The following MEGF9 variants were observed in gnomAD, a reference collection of about 807,000 sequenced individuals.
The protein encoded by MEGF9 is multiple EGF like domains 9.
MEGF9 carries 6 observed loss-of-function variants against 46.8 expected under a neutral mutation model. The observed-to-expected ratio is 0.13, with a 90% CI of 0.07 to 0.25. The LOEUF is 0.25. Among genes scored for constraint, MEGF9 ranks in the 10% least tolerant of loss-of-function variants. MEGF9 has a pLI of 1.00. For missense variants in MEGF9, 683 were observed against 792.4 expected, an observed-to-expected ratio of 0.86 and a Z score of 1.66; for synonymous variants, 302 against 330.7, an observed-to-expected ratio of 0.91 and a Z score of 0.94.
chr9:120,700,546 T>A (rs1234189828), intron 1 of MEGF9, among the ~76,000 whole-genome samples: 1 of 151,982 alleles, frequency 6.6e-6, no homozygotes, highest in Non-Finnish European at 1.5e-5. Context: ...ACATGAAAAA[T>A]CTACAGCAGA....
chr9:120,672,301 A>G (rs532619815), intron 1 of MEGF9, among the ~76,000 whole-genome samples: 37 of 152,258 alleles, frequency 2.4e-4, no homozygotes, highest in African/African-American at 8.7e-4. Flanking sequence ...AAAAAGAAAC[A>G]AAACTGGGCC....
At chr9:120,654,388 C>T (rs193145603) in intron 2 of MEGF9, among the ~76,000 whole-genome samples, 1 of 152,120 alleles carries the variant, frequency 6.6e-6, no homozygotes, top group Non-Finnish European at 1.5e-5. Flanking sequence ...CCGTCAATGA[C>T]GTATGGAATA....
intron 2 of MEGF9, among the ~76,000 whole-genome samples, chr9:120,635,210 T>C (rs2043568804): frequency 6.6e-6 from 1 of 152,200 alleles, no homozygotes; most frequent in Non-Finnish European, 1.5e-5. Context: ...CCCTTATACA[T>C]GACTTGACAC....
At chr9:120,644,824 T>G (rs2043618598) in intron 2 of MEGF9, among the ~76,000 whole-genome samples, 1 of 152,222 alleles carries the variant, frequency 6.6e-6, no homozygotes, top group Non-Finnish European at 1.5e-5. Flanking sequence ...TTGTGTGGTA[T>G]TTTTGTCTCA....
At chr9:120,663,271 G>A (rs2043710713) in intron 1 of MEGF9, among the ~76,000 whole-genome samples, 1 of 152,158 alleles carries the variant, frequency 6.6e-6, no homozygotes, top group Non-Finnish European at 1.5e-5. Flanking sequence ...CCCAGTGACT[G>A]ACCTTAAATG....
chr9:120,701,545 G>A (rs951453017), intron 1 of MEGF9, among the ~76,000 whole-genome samples: 3 of 152,120 alleles, frequency 2.0e-5, no homozygotes, highest in Admixed American at 6.5e-5. Flanking sequence ...TATATTACCA[G>A]TATAACAGCA....
In MEGF9 at chr9:120,658,079, G is replaced by A. The variant is rs576252537; in HGVS notation, c.803+1295C>T. On this transcript the variant is annotated intron_variant, in intron 2 of 5. Transcript: ENST00000373930. ...AGCTCACTGCAACCTCCACCTCCCG[G>A]GTTCAACCGATTCTCCTGCCTCAGC... Among the ~76,000 whole-genome samples, 4 of 152,062 alleles carry A rather than the reference G, an allele frequency of 2.6e-5. No homozygotes were observed. The East Asian group carries it at 7.7e-4, about 29-fold the overall frequency.
chr9:120,637,161 C>T (rs917095315), intron 2 of MEGF9, among the ~76,000 whole-genome samples: 10 of 152,298 alleles, frequency 6.6e-5, no homozygotes, highest in Non-Finnish European at 1.2e-4. Flanking sequence ...GCTGTGTCAA[C>T]TCAGGGTTAA....
At chr9:120,609,783 T>C (rs2043437339) in intron 4 of MEGF9, among the ~76,000 whole-genome samples, 1 of 152,188 alleles carries the variant, frequency 6.6e-6, no homozygotes, top group Non-Finnish European at 1.5e-5. Context: ...CACCCTGTTA[T>C]CTAAACACAG....
At chr9:120,673,063 A>T (rs886750611) in intron 1 of MEGF9, among the ~76,000 whole-genome samples, 37 of 152,338 alleles carry the variant, frequency 2.4e-4, no homozygotes, top group Non-Finnish European at 4.4e-4. Context: ...CAAAATTAAC[A>T]AACAAAAATC....
chr9:120,602,730 C>T lies in MEGF9; in HGVS notation c.*2460G>A, dbSNP rs2043402618. On this transcript the variant is annotated 3_prime_UTR_variant, in exon 6 of 6. Coordinates refer to ENST00000373930, the MANE Select transcript of MEGF9 (RefSeq NM_001080497.3). The stretch of plus-strand genomic sequence containing the variant: ...TTAACTTCTGTTTAATAAATGTTCA[C>T]TTCTCACCACCTTTAATCCTGACCT... The T allele has an allele frequency of 6.6e-6, 1 of 152,126 alleles. No homozygotes were observed. The highest frequency in any genetic ancestry group is 1.5e-5 in the Non-Finnish European group (1 of 68,036). 9.4% of individuals were successfully genotyped at this position (152,126 alleles called of 1,614,324 possible). A position where few individuals can be genotyped will look rare whatever the true frequency, so the allele number is the denominator to read the frequency against.
chr9:120,605,419 A>G lies in MEGF9; in HGVS notation c.1580T>C (p.Leu527Pro), dbSNP rs767203285. 1 of 1,614,044 alleles carries G rather than the reference A, an allele frequency of 6.2e-7. No individual in the cohort carries two copies. The highest frequency in any genetic ancestry group is 8.5e-7 in the Non-Finnish European group (1 of 1,179,892). The change falls in exon 6 of 6, where the codon CTG (leucine) becomes CCG (proline). Residue 527 changes from leucine (L) to proline (P), a missense_variant. Transcript: ENST00000373930. The surrounding 1 kb of genome is among the most constrained non-coding windows in gnomAD (Gnocchi z 4.0). ...ILTVIIIVVVLLMGFVGAVYM... is the reference protein window; with the variant it reads ...ILTVIIIVVVPLMGFVGAVYM... The stretch of plus-strand genomic sequence containing the variant: ...TACAGCCCCCACAAATCCCATTAGC[A>G]GCACCACAACAATGATGATGACTGT...
At chr9:120,636,583 G>A (rs192994607) in intron 2 of MEGF9, among the ~76,000 whole-genome samples, 1 of 152,266 alleles carries the variant, frequency 6.6e-6, no homozygotes, top group Admixed American at 6.5e-5. Flanking sequence ...AATCAAATGT[G>A]ACACATTTCC....
Position 120,605,556 on chromosome 9 carries a change from A to G in MEGF9, c.1443T>C (p.Asn481=), listed in dbSNP as rs2043417002. The change falls in exon 6 of 6, where the codon AAT becomes AAC. Residue 481 remains asparagine (N), a synonymous_variant. Coordinates refer to ENST00000373930, the MANE Select transcript of MEGF9 (RefSeq NM_001080497.3). This position sits in a 1 kb window ranked among gnomAD's most constrained non-coding sequence, Gnocchi z 4.0. ...LTTSVPTPVI[N]STFTPTTLQT... ...GCAGGGTTGTAGGGGTAAAAGTACTATTTATAACAGGGGTGGGCACTGATG... is the reference window on the plus strand; with the variant it reads ...GCAGGGTTGTAGGGGTAAAAGTACTGTTTATAACAGGGGTGGGCACTGATG... 6.2e-7 allele frequency: 1 copy of G among 1,610,762 alleles called. No individual in the cohort carries two copies. The highest frequency in any genetic ancestry group is 2.2e-5 in the East Asian group (1 of 44,858).
At chr9:120,686,159 G>A (rs776604563) in intron 1 of MEGF9, among the ~76,000 whole-genome samples, 3 of 149,452 alleles carry the variant, frequency 2.0e-5, no homozygotes, top group African/African-American at 2.5e-5. Context: ...GCGTGATCTC[G>A]GCTCACTGCA....
chr9:120,668,041 C>A (rs2043733024), intron 1 of MEGF9, among the ~76,000 whole-genome samples: 1 of 151,922 alleles, frequency 6.6e-6, no homozygotes, highest in Admixed American at 6.6e-5. Context: ...AACAAACAAA[C>A]AAAAAAACCA....
intron 2 of MEGF9, among the ~76,000 whole-genome samples, chr9:120,652,601 C>A (rs1186658035): frequency 1.3e-5 from 2 of 151,230 alleles, no homozygotes; most frequent in Non-Finnish European, 2.9e-5. Context: ...CACACACACA[C>A]ACACACACAC....
chr9:120,693,275 C>CAAAAAAAAAAAAAAAAAAAAAAAAAAA (rs10633158), intron 1 of MEGF9, among the ~76,000 whole-genome samples: 8 of 104,374 alleles, frequency 7.7e-5, no homozygotes, highest in East Asian at 2.7e-4. Flanking sequence ...TCTGGTTAAC[C>CAAAAAAAAAAAAAAAAAAAAAAAAAAA]AAAAAAAAAA....
chr9:120,686,176 G>A (rs113734989), intron 1 of MEGF9, among the ~76,000 whole-genome samples: 1 of 148,314 alleles, frequency 6.7e-6, no homozygotes, highest in Non-Finnish European at 1.5e-5. Context: ...TGCAAGCTCC[G>A]CCTCCCAGGT....
Sources: gnomAD v4.1 joint callset for allele counts (sites outside exome capture counted in the v4.1 genomes callset) on GRCh38, gnomAD v4.1.1 for gene constraint, Gnocchi (gnomAD v3.1) non-coding constraint, MANE v1.5 for transcripts, NCBI Gene and HGNC (gene_info 2026-07-23, HGNC 2026-07-21) for gene names.